CCDC149: variants seen among roughly 807,000 people sequenced by gnomAD.
CCDC149 encodes the protein coiled-coil domain-containing protein 149.
A neutral mutation model predicts 59.9 loss-of-function variants in CCDC149; 45 were observed. The observed-to-expected ratio is 0.75, with a 90% CI of 0.59 to 0.96. The LOEUF (loss-of-function observed/expected upper bound fraction) is 0.96, where lower values mean the gene tolerates loss of function less well. Ranked by LOEUF, CCDC149 falls within the 40% of genes least tolerant of loss-of-function variation. CCDC149 has a pLI of 0.00. For missense variants in CCDC149, 584 were observed against 664.7 expected (o/e 0.88, Z 1.33); for synonymous variants, 245 against 260.6 (o/e 0.94, Z 0.58).
In CCDC149 at chr4:24,806,771, CCTT is replaced by C. The variant is rs1714207692; in HGVS notation, c.*1615_*1617del. The C allele has an allele frequency of 1.3e-5, 2 of 153,478 alleles. No individual in the cohort carries two copies. Among genetic ancestry groups the C allele is most frequent in the Admixed American group, 1.3e-4 (2 of 15,300 alleles). The allele number at this position is 153,478 out of a possible 1,614,324, so 9.5% of individuals were successfully genotyped here. Reference sequence around the variant, plus strand: ...TGGTGGCCAGGGGTCAATGGGATGTCCTTCTCACCAGAAGCAACAGAACGCCGA... The same window carrying C: ...TGGTGGCCAGGGGTCAATGGGATGTCCTCACCAGAAGCAACAGAACGCCGA... On this transcript the variant is annotated 3_prime_UTR_variant, in exon 13 of 13. Transcript: ENST00000635206.
intron 1 of CCDC149, among the ~76,000 whole-genome samples, chr4:24,950,803 T>C (rs891857378): frequency 1.3e-5 from 2 of 152,224 alleles, no homozygotes; most frequent in Non-Finnish European, 2.9e-5. Context: ...ACAAACTTCT[T>C]TCCCAATTCA....
At chr4:24,972,942 G>A (rs1724021698) in intron 1 of CCDC149, among the ~76,000 whole-genome samples, 1 of 152,148 alleles carries the variant, frequency 6.6e-6, no homozygotes, top group Non-Finnish European at 1.5e-5. Context: ...GTTTGAGCAG[G>A]AAACATTCAC....
chr4:24,877,179 T>C (rs1158361445), intron 1 of CCDC149, among the ~76,000 whole-genome samples: 13 of 62,738 alleles, frequency 2.1e-4, no homozygotes, highest in African/African-American at 5.2e-4. Context: ...TTTTGTCTGT[T>C]TGTTTGTTTG....
intron 1 of CCDC149, among the ~76,000 whole-genome samples, chr4:24,881,869 G>T (rs190617534): frequency 1.3e-4 from 20 of 152,284 alleles, no homozygotes; most frequent in African/African-American, 4.6e-4. Context: ...AGGAAGTGAG[G>T]CTTAAATGAA....
intron 1 of CCDC149, among the ~76,000 whole-genome samples, chr4:24,911,983 T>C (rs1212966181): frequency 2.6e-5 from 4 of 152,184 alleles, no homozygotes; most frequent in Non-Finnish European, 4.4e-5. Flanking sequence ...ACACCAGGAA[T>C]TGCCCCCACA....
At chr4:24,972,880 C>T (rs901502461) in intron 1 of CCDC149, among the ~76,000 whole-genome samples, 3 of 152,186 alleles carry the variant, frequency 2.0e-5, no homozygotes, top group African/African-American at 7.2e-5. Flanking sequence ...TTTCCCCTTC[C>T]AGACCCTCCC....
chr4:24,948,208 G>T (rs1723177732), intron 1 of CCDC149, among the ~76,000 whole-genome samples: 1 of 152,158 alleles, frequency 6.6e-6, no homozygotes, highest in Non-Finnish European at 1.5e-5. Context: ...AAGAGAGAAA[G>T]TTCAAAGGAT....
chr4:24,889,020 G>A (rs1720369149), intron 1 of CCDC149, among the ~76,000 whole-genome samples: 1 of 152,050 alleles, frequency 6.6e-6, no homozygotes, highest in Non-Finnish European at 1.5e-5. Flanking sequence ...TGCCCCAGGG[G>A]ATGTGCTGAA....
intron 1 of CCDC149, among the ~76,000 whole-genome samples, chr4:24,963,386 T>A (rs1723702094): frequency 6.6e-6 from 1 of 151,990 alleles, no homozygotes; most frequent in Admixed American, 6.6e-5. Context: ...TCCACCCCCA[T>A]CCAGCAGCAA....
intron 1 of CCDC149, among the ~76,000 whole-genome samples, chr4:24,884,847 G>T (rs565221920): frequency 6.6e-6 from 1 of 152,328 alleles, no homozygotes; most frequent in African/African-American, 2.4e-5. Flanking sequence ...TTATCATGGA[G>T]GAGAGAGTGA....
intron 1 of CCDC149, among the ~76,000 whole-genome samples, chr4:24,929,025 T>G (rs2109340746): frequency 1.3e-5 from 2 of 152,326 alleles, no homozygotes; most frequent in South Asian, 4.1e-4. Flanking sequence ...AAAGAATCAG[T>G]GCCCTTTTTG....
At chr4:24,899,104 G>A (rs1721010106) in intron 1 of CCDC149, among the ~76,000 whole-genome samples, 1 of 152,166 alleles carries the variant, frequency 6.6e-6, no homozygotes, top group African/African-American at 2.4e-5. Flanking sequence ...ACTGCATGGA[G>A]GAAAGATCTT....
intron 1 of CCDC149, among the ~76,000 whole-genome samples, chr4:24,951,443 G>A (rs1457728980): frequency 6.6e-6 from 1 of 152,126 alleles, no homozygotes; most frequent in Non-Finnish European, 1.5e-5. Flanking sequence ...CAAAAGAGAG[G>A]CTATTATTAA....
intron 1 of CCDC149, among the ~76,000 whole-genome samples, chr4:24,922,782 T>C (rs1699905727): frequency 6.6e-6 from 1 of 152,218 alleles, no homozygotes; most frequent in African/African-American, 2.4e-5. Flanking sequence ...ATATTCCAAG[T>C]GTGTGAGATG....
intron 1 of CCDC149, among the ~76,000 whole-genome samples, chr4:24,971,646 C>T (rs1723975209): frequency 6.6e-6 from 1 of 152,174 alleles, no homozygotes; most frequent in Admixed American, 6.5e-5. Context: ...GTTTTCCCAG[C>T]TATCTGCCAC....
intron 1 of CCDC149, among the ~76,000 whole-genome samples, chr4:24,959,256 G>A (rs149878732): frequency 0.026 from 3,933 of 152,222 alleles, 170 homozygotes; most frequent in African/African-American, 0.09. Flanking sequence ...TTACAGGCGT[G>A]AGCCACTGCG....
rs1435437440 is a variant in CCDC149 at position 24,905,406 on chromosome 4, CGTGCGTGCGTGTGT to C, written c.63+7397_63+7410del. Among the ~76,000 whole-genome samples, 4 of 110,402 alleles carry C rather than the reference CGTGCGTGCGTGTGT, an allele frequency of 3.6e-5. No individual in the cohort carries two copies. In the South Asian group the frequency reaches 8.6e-4, roughly 24 times the overall value. 72.4% of individuals were successfully genotyped at this position (110,402 alleles called of 152,430 possible). On this transcript the variant is annotated intron_variant, in intron 1 of 12. Coordinates refer to ENST00000635206, the MANE Select transcript of CCDC149 (RefSeq NM_001330643.2). ...TCCTATATAGTCTTCTTTCTTTTTG[CGTGCGTGCGTGTGT>C]GTGTGTGTGTGTGTGTGTGTGTGTG...
rs547023245 is a variant in CCDC149, at chr4:24,881,655, G to C, written c.64-4958C>G. On this transcript the variant is annotated intron_variant, in intron 1 of 12. Coordinates refer to ENST00000635206, the MANE Select transcript of CCDC149 (RefSeq NM_001330643.2). ...CTGCATCAAAGAATGGGACTGTCTG[G>C]GGGGGAGAAAAGTTATACTTGCCCC... Among the ~76,000 whole-genome samples, 154 of 152,284 alleles carry C rather than the reference G, an allele frequency of 1.0e-3. No individual in the cohort carries two copies. In the Middle Eastern group the frequency reaches 0.01, roughly 10 times the overall value.
At chr4:24,805,758 G>A (rs937105809), downstream of CCDC149, among the ~76,000 whole-genome samples, 8 of 152,146 alleles carry the variant, frequency 5.3e-5, no homozygotes, top group South Asian at 2.1e-4. Flanking sequence ...TGGGTTTCTC[G>A]CTCTTGAAAC....
Sources: allele counts gnomAD v4.1 joint callset (sites outside exome capture counted in the v4.1 genomes callset), GRCh38; gene constraint gnomAD v4.1.1; transcripts MANE v1.5; gene names NCBI Gene and HGNC (gene_info 2026-07-23, HGNC 2026-07-21).